IL1RAPL1: variants seen among roughly 807,000 people sequenced by gnomAD.
The protein encoded by IL1RAPL1 is interleukin-1 receptor accessory protein-like 1.
A neutral mutation model predicts 48.4 loss-of-function variants in IL1RAPL1; 3 were observed. The observed-to-expected ratio is 0.06, with a 90% confidence interval of 0.03 to 0.16. The LOEUF is 0.16. Among genes scored for constraint, IL1RAPL1 ranks in the 10% least tolerant of loss-of-function variants. IL1RAPL1 has a pLI of 1.00. For synonymous variants in IL1RAPL1, 185 were observed against 187.7 expected (o/e 0.99, Z 0.12); for missense variants, 349 against 530.6 (o/e 0.66, Z 3.36).
chrX:29,952,025 G>A (rs1270428653), intron 9 of IL1RAPL1, among the ~76,000 whole-genome samples: 1 of 111,840 alleles, frequency 8.9e-6, no homozygotes, highest in African/African-American at 3.3e-5. Context: ...TTGGAAGAGA[G>A]GTTTCCATGA....
intron 1 of IL1RAPL1, among the ~76,000 whole-genome samples, chrX:28,769,367 TAAGAC>T (rs1936286576): frequency 9.0e-6 from 1 of 110,698 alleles, no homozygotes; most frequent in African/African-American, 3.3e-5. Context: ...ACTGAAAAGG[TAAGAC>T]AAAAGGGCAG....
intron 2 of IL1RAPL1, among the ~76,000 whole-genome samples, chrX:28,990,333 T>C (rs921546151): frequency 8.9e-6 from 1 of 112,198 alleles, no homozygotes; most frequent in African/African-American, 3.2e-5. Flanking sequence ...TACCTTGTAT[T>C]ACATCTCAGA....
intron 6 of IL1RAPL1, among the ~76,000 whole-genome samples, chrX:29,784,843 C>T (rs1235760072): frequency 9.0e-6 from 1 of 111,671 alleles, no homozygotes; most frequent in Non-Finnish European, 1.9e-5. Flanking sequence ...GTGGCAAACT[C>T]TTGCTGTGCC....
chrX:28,683,270 T>C (rs1935080792), intron 1 of IL1RAPL1, among the ~76,000 whole-genome samples: 2 of 111,002 alleles, frequency 1.8e-5, no homozygotes, highest in East Asian at 5.7e-4. Context: ...GTGAGTCTCA[T>C]TATCCCTCAG....
chrX:29,457,838 C>T (rs1934757171), intron 5 of IL1RAPL1, among the ~76,000 whole-genome samples: 1 of 112,588 alleles, frequency 8.9e-6, no homozygotes, highest in Non-Finnish European at 1.9e-5. Context: ...TCTCTTTTCT[C>T]CGCAGCCTCA....
intron 2 of IL1RAPL1, among the ~76,000 whole-genome samples, chrX:28,908,568 T>C (rs1426524040): frequency 2.7e-5 from 3 of 112,173 alleles, no homozygotes; most frequent in Non-Finnish European, 5.6e-5. Context: ...ATGTTATTTC[T>C]ATTCCTTTAT....
intron 3 of IL1RAPL1, among the ~76,000 whole-genome samples, chrX:29,319,347 G>A (rs1319804263): frequency 6.6e-5 from 5 of 75,822 alleles, no homozygotes; most frequent in Non-Finnish European, 1.4e-4. Context: ...GCACCCCACT[G>A]CATGTAGATA....
chrX:29,887,078 CTA>C (rs936189899), intron 6 of IL1RAPL1, among the ~76,000 whole-genome samples: 1 of 111,696 alleles, frequency 9.0e-6, no homozygotes, highest in Admixed American at 9.5e-5. Context: ...ATCCCATAAC[CTA>C]TGTTTCACTT....
At chrX:29,480,042 C>T (rs1015546310) in intron 5 of IL1RAPL1, among the ~76,000 whole-genome samples, 2 of 108,393 alleles carry the variant, frequency 1.8e-5, no homozygotes, top group East Asian at 2.9e-4. Flanking sequence ...CACTTTTACC[C>T]CTCTCTTGTT....
intron 1 of IL1RAPL1, among the ~76,000 whole-genome samples, chrX:28,730,968 T>G (rs1488341022): frequency 9.0e-6 from 1 of 111,319 alleles, no homozygotes; most frequent in Non-Finnish European, 1.9e-5. Context: ...ACTTTAAGGG[T>G]TGGAAAAATG....
At chrX:28,716,281 C>T (rs907339565) in intron 1 of IL1RAPL1, among the ~76,000 whole-genome samples, 5 of 111,300 alleles carry the variant, frequency 4.5e-5, no homozygotes, top group Non-Finnish European at 1.9e-5. Context: ...GGCACAAGGA[C>T]GCCTGCTCTC....
intron 3 of IL1RAPL1, among the ~76,000 whole-genome samples, chrX:29,380,474 G>A (rs998448062): frequency 5.4e-5 from 6 of 111,680 alleles, no homozygotes; most frequent in Admixed American, 9.5e-5. Flanking sequence ...TGATCCACCC[G>A]CCTTGGCCTC....
At chrX:29,377,898 C>T (rs1357946865) in intron 3 of IL1RAPL1, among the ~76,000 whole-genome samples, 1 of 111,142 alleles carries the variant, frequency 9.0e-6, no homozygotes, top group Non-Finnish European at 1.9e-5. Context: ...ATTTGTACGT[C>T]AACTTCTCTA....
At chrX:28,609,628 TACACACAC>T (rs3078234) in intron 1 of IL1RAPL1, among the ~76,000 whole-genome samples, 20 of 89,436 alleles carry the variant, frequency 2.2e-4, no homozygotes, top group Non-Finnish European at 3.7e-4. Context: ...TGCATGTTCT[TACACACAC>T]ACACACACAC....
chrX:29,925,958 A>G (rs1932886638), intron 8 of IL1RAPL1, among the ~76,000 whole-genome samples: 1 of 111,690 alleles, frequency 9.0e-6, no homozygotes, highest in Non-Finnish European at 1.9e-5. Context: ...TATTTAAATG[A>G]GATTAATCCC....
intron 2 of IL1RAPL1, among the ~76,000 whole-genome samples, chrX:29,032,146 T>G (rs1012315113): frequency 1.8e-5 from 2 of 112,041 alleles, no homozygotes; most frequent in Non-Finnish European, 3.8e-5. Context: ...TTTTCACATC[T>G]GTGCAGGTTG....
chrX:29,778,057 T>C (rs1470721337), intron 6 of IL1RAPL1, among the ~76,000 whole-genome samples: 3 of 111,082 alleles, frequency 2.7e-5, no homozygotes, highest in African/African-American at 9.8e-5. Flanking sequence ...GAGTGAAATA[T>C]ACAATATATA....
Position 29,083,441 on chromosome X carries a change from C to T in IL1RAPL1, c.83-199497C>T, listed in dbSNP as rs182253582. On this transcript the variant is annotated intron_variant, in intron 2 of 10. Coordinates refer to ENST00000378993, the MANE Select transcript of IL1RAPL1 (RefSeq NM_014271.4). Reference sequence around the variant, plus strand: ...CACTGTGCTCTAATAAATCCTGAAACACATTTCATGGCCAGCACCAAGGTA... The same window carrying T: ...CACTGTGCTCTAATAAATCCTGAAATACATTTCATGGCCAGCACCAAGGTA... Among the ~76,000 whole-genome samples the T allele has an allele frequency of 1.5e-3, 169 of 111,901 alleles. 1 individual carries two copies. The highest frequency in any genetic ancestry group is 5.2e-3 in the African/African-American group (162 of 30,864).
chrX:28,625,738 G>A (rs1019010312), intron 1 of IL1RAPL1, among the ~76,000 whole-genome samples: 4 of 72,795 alleles, frequency 5.5e-5, no homozygotes, highest in Non-Finnish European at 9.7e-5. Context: ...ATCAAAATGC[G>A]TGTGTGTGTG....
Sources: allele counts gnomAD v4.1 joint callset (sites outside exome capture counted in the v4.1 genomes callset), GRCh38; gene constraint gnomAD v4.1.1; transcripts MANE v1.5; gene names NCBI Gene and HGNC (gene_info 2026-07-23, HGNC 2026-07-21).